Variants in MARCHF11 observed in about 807,000 individuals in gnomAD.
The protein encoded by MARCHF11 is E3 ubiquitin-protein ligase MARCHF11.
Under a neutral mutation model 37.3 loss-of-function variants are expected in MARCHF11, and 29 were observed. The ratio of observed to expected loss-of-function variants is 0.78; its 90% CI spans 0.58 to 1.06. MARCHF11 has a LOEUF of 1.06. Ranked by LOEUF, MARCHF11 falls within the 50% of genes least tolerant of loss-of-function variation. MARCHF11 has a pLI of 0.00. For missense variants in MARCHF11, 482 were observed against 533.4 expected, an observed-to-expected ratio of 0.90 and a Z score of 0.95; for synonymous variants, 233 against 228.0, an observed-to-expected ratio of 1.02 and a Z score of -0.20.
In MARCHF11 at chr5:16,134,977, T is replaced by TTCTCTCTCTCTCTCTC. The variant is rs146251875; in HGVS notation, c.693+42733_693+42748dup. Among the ~76,000 whole-genome samples the TTCTCTCTCTCTCTCTC allele has an allele frequency of 1.2e-3, 166 of 143,070 alleles. 1 individual carries two copies. The highest frequency in any genetic ancestry group is 4.2e-3 in the African/African-American group (158 of 37,416). 93.9% of individuals were successfully genotyped at this position (143,070 alleles called of 152,430 possible). On this transcript the variant is annotated intron_variant, in intron 2 of 3. Transcript: ENST00000332432. ...CTATACCTGCAGGATTATGAGTGATTTCTCTCTCTCTCTCTCTCTCTCACA... is the reference window on the plus strand; with the variant it reads ...CTATACCTGCAGGATTATGAGTGATTTCTCTCTCTCTCTCTCTCTCTCTCTCTCTCTCTCTCTCACA...
chr5:16,129,164 T>C (rs1737471245), intron 2 of MARCHF11: 1 of 152,206 alleles, frequency 6.6e-6, no homozygotes, highest in Admixed American at 6.5e-5. Flanking sequence ...CTGTAGTTCA[T>C]GCCATTTGCA....
chr5:16,155,220 C>T (rs1737960747), intron 2 of MARCHF11, among the ~76,000 whole-genome samples: 1 of 151,724 alleles, frequency 6.6e-6, no homozygotes, highest in Non-Finnish European at 1.5e-5. Flanking sequence ...AGAAGTTTCT[C>T]ATTTGGTGGA....
intron 2 of MARCHF11, among the ~76,000 whole-genome samples, chr5:16,105,792 TG>T (rs770702839): frequency 5.3e-4 from 81 of 152,312 alleles, no homozygotes; most frequent in African/African-American, 1.6e-3. Context: ...TTTTTTGTTT[TG>T]TTTTTTTTCA....
chr5:16,179,335 C>A lies in MARCHF11; in HGVS notation c.241G>T (p.Glu81Ter). The A allele has an allele frequency of 8.2e-7, 1 of 1,225,036 alleles. No individual in the cohort carries two copies. Among genetic ancestry groups the A allele is most frequent in the South Asian group, 2.9e-5 (1 of 34,044 alleles). 75.9% of individuals were successfully genotyped at this position (1,225,036 alleles called of 1,614,324 possible). Residue 81 changes from glutamate (E) to a stop codon, truncating the protein, a stop_gained, in exon 1 of 4, where the codon GAG becomes TAG. Coordinates refer to ENST00000332432, the MANE Select transcript of MARCHF11 (RefSeq NM_001102562.3). LOFTEE classifies it high-confidence loss of function. ...EVAPRCRGAD[E>*]LPPPPLPLQP... ...AGGGGCAGGGGCGGAGGCGGCAGCT[C>A]GTCCGCTCCCCTGCACCGCGGGGCC...
chr5:16,133,494 T>C (rs72738273), intron 2 of MARCHF11, among the ~76,000 whole-genome samples: 4 of 152,120 alleles, frequency 2.6e-5, no homozygotes, highest in Admixed American at 6.6e-5. Flanking sequence ...AAAGACCACA[T>C]AGATACATAA....
At chr5:16,109,103 T>TACAC (rs3031633) in intron 2 of MARCHF11, among the ~76,000 whole-genome samples, 16,877 of 141,298 alleles carry the variant, frequency 0.12, 926 homozygotes, top group African/African-American at 0.14. Context: ...ACATAAGAAA[T>TACAC]ACACACACAC....
At chr5:16,135,187 G>T (rs1178420995) in intron 2 of MARCHF11, among the ~76,000 whole-genome samples, 1 of 152,124 alleles carries the variant, frequency 6.6e-6, no homozygotes, top group African/African-American at 2.4e-5. Flanking sequence ...ATTCAGACTG[G>T]CATTGTTAAG....
Position 16,139,054 on chromosome 5 carries a change from G to T in MARCHF11, c.693+38672C>A, listed in dbSNP as rs117736102. On this transcript the variant is annotated intron_variant, in intron 2 of 3. Transcript: ENST00000332432. ...TGAATTAAGACTTTGTGGGGCTGTT[G>T]GGAAGGAATGAATGGTTTTGAAACA... Among the ~76,000 whole-genome samples the T allele has an allele frequency of 8.1e-4, 124 of 152,248 alleles. No individual in the cohort carries two copies. In the East Asian group the frequency reaches 0.016, roughly 19 times the overall value.
At chr5:16,096,803 A>C (rs1010281656) in intron 2 of MARCHF11, among the ~76,000 whole-genome samples, 1 of 152,240 alleles carries the variant, frequency 6.6e-6, no homozygotes, top group Non-Finnish European at 1.5e-5. Context: ...GTCTCTAAGA[A>C]GCTATTTAGA....
intron 2 of MARCHF11, among the ~76,000 whole-genome samples, chr5:16,143,011 A>G (rs1737742799): frequency 6.9e-6 from 1 of 145,076 alleles, no homozygotes; most frequent in Non-Finnish European, 1.5e-5. Context: ...AAGTGTTGGG[A>G]TTACAGGCAT....
chr5:16,068,465 C>A (rs1315321520), intron 3 of MARCHF11, among the ~76,000 whole-genome samples: 1 of 152,156 alleles, frequency 6.6e-6, no homozygotes, highest in Middle Eastern at 3.2e-3. Flanking sequence ...CAGAAACGTG[C>A]TCAAAAACAT....
intron 2 of MARCHF11, among the ~76,000 whole-genome samples, chr5:16,096,510 C>G (rs757064126): frequency 2.6e-5 from 4 of 152,172 alleles, no homozygotes; most frequent in Non-Finnish European, 5.9e-5. Flanking sequence ...AATTGGGTAT[C>G]TTTGTGTGGG....
chr5:16,085,507 T>A (rs989295025), intron 3 of MARCHF11, among the ~76,000 whole-genome samples: 15 of 146,054 alleles, frequency 1.0e-4, no homozygotes, highest in Admixed American at 5.7e-4. Flanking sequence ...TTAAATCCAC[T>A]GATTAAAATG....
chr5:16,083,498 C>T (rs1579677390), intron 3 of MARCHF11, among the ~76,000 whole-genome samples: 1 of 152,180 alleles, frequency 6.6e-6, no homozygotes, highest in African/African-American at 2.4e-5. Context: ...CAAGCATGCT[C>T]GTCTATGGTT....
chr5:16,178,208 G>T (rs1477438954), intron 1 of MARCHF11, among the ~76,000 whole-genome samples: 1 of 152,152 alleles, frequency 6.6e-6, no homozygotes, highest in African/African-American at 2.4e-5. Context: ...CATTTCCTCT[G>T]CAGTTATTCT....
intron 2 of MARCHF11, among the ~76,000 whole-genome samples, chr5:16,117,624 C>T (rs187371375): frequency 1.5e-3 from 221 of 152,288 alleles, no homozygotes; most frequent in African/African-American, 5.2e-3. Context: ...TGTGGTGGCA[C>T]ACACCTGTAA....
chr5:16,169,046 G>A (rs1019829971), intron 2 of MARCHF11, among the ~76,000 whole-genome samples: 4 of 152,074 alleles, frequency 2.6e-5, no homozygotes, highest in Non-Finnish European at 5.9e-5. Flanking sequence ...TGTGAAAGAT[G>A]CTTCCTTCTT....
intron 2 of MARCHF11, among the ~76,000 whole-genome samples, chr5:16,160,574 T>C (rs1014243631): frequency 4.6e-5 from 7 of 151,408 alleles, no homozygotes; most frequent in African/African-American, 1.7e-4. Context: ...TTTAATATTA[T>C]GCCTGAGATC....
intron 2 of MARCHF11, among the ~76,000 whole-genome samples, chr5:16,132,293 T>C (rs114176808): frequency 0.032 from 4,929 of 152,274 alleles, 288 homozygotes; most frequent in African/African-American, 0.11. Flanking sequence ...GCTGGCTATG[T>C]TCCTTTTCGT....
Sources: gnomAD v4.1 joint callset for allele counts (sites outside exome capture counted in the v4.1 genomes callset) on GRCh38, gnomAD v4.1.1 for gene constraint, MANE v1.5 for transcripts, NCBI Gene and HGNC (gene_info 2026-07-23, HGNC 2026-07-21) for gene names.